EFEMP1: variants seen among roughly 807,000 people sequenced by gnomAD.
EFEMP1 encodes EGF-like fibulin extracellular matrix protein 1.
EFEMP1 carries 18 observed loss-of-function variants against 65.7 expected under a neutral mutation model. The observed-to-expected ratio is 0.27, with a 90% confidence interval of 0.19 to 0.41. The LOEUF (loss-of-function observed/expected upper bound fraction) is 0.41, where lower values mean the gene tolerates loss of function less well. Ranked by LOEUF, EFEMP1 falls within the 10% of genes least tolerant of loss-of-function variation. EFEMP1 has a pLI of 1.00. For synonymous variants in EFEMP1, 237 were observed against 219.7 expected (o/e 1.08, Z -0.70); for missense variants, 469 against 624.8 (o/e 0.75, Z 2.66).
At chr2:55,901,862 G>A (rs768819357) in intron 5 of EFEMP1, among the ~76,000 whole-genome samples, 1 of 152,172 alleles carries the variant, frequency 6.6e-6, no homozygotes, top group Non-Finnish European at 1.5e-5. Context: ...TCTCTTGCTG[G>A]AACCTTCTCT....
Position 55,877,643 on chromosome 2 carries a change from T to C in EFEMP1, c.760+103A>G. ...TTTATGATTGCTGAAGGGAAGTCGA[T>C]GGAAACTATTTACTCAAGAACATAG... On this transcript the variant is annotated intron_variant, in intron 7 of 11. Transcript: ENST00000355426. The surrounding 1 kb of genome is among the most constrained non-coding windows in gnomAD (Gnocchi z 4.5). The C allele has an allele frequency of 1.3e-6, 2 of 1,542,918 alleles. No homozygotes were observed. The highest frequency in any genetic ancestry group is 1.4e-5 in the African/African-American group (1 of 73,150).
intron 3 of EFEMP1, among the ~76,000 whole-genome samples, chr2:55,918,826 C>G (rs1465726844): frequency 6.6e-6 from 1 of 152,032 alleles, no homozygotes; most frequent in Non-Finnish European, 1.5e-5. Context: ...TCTAGTTCAC[C>G]CACTGAACAA....
chr2:55,871,533 G>A lies in EFEMP1; in HGVS notation c.1001-410C>T, dbSNP rs1426912626. ...AGATAAGTATACTGGGGCATGTGGA[G>A]CAGAGTTGGGTAATTTTGCCAGGGG... On this transcript the variant is annotated intron_variant, in intron 9 of 11. Transcript: ENST00000355426. This position sits in a 1 kb window ranked among gnomAD's most constrained non-coding sequence, Gnocchi z 4.2. Among the ~76,000 whole-genome samples, 2 of 152,082 alleles carry A rather than the reference G, an allele frequency of 1.3e-5. No homozygotes were observed. Among genetic ancestry groups the A allele is most frequent in the Non-Finnish European group, 2.9e-5 (2 of 68,002 alleles).
At chr2:55,898,691 A>C (rs142822132) in intron 5 of EFEMP1, among the ~76,000 whole-genome samples, 108 of 152,270 alleles carry the variant, frequency 7.1e-4, no homozygotes, top group African/African-American at 2.5e-3. Flanking sequence ...CTTCGCTCAA[A>C]ATCTGTCACT....
intron 6 of EFEMP1, among the ~76,000 whole-genome samples, chr2:55,879,865 C>T (rs1471891488): frequency 6.6e-6 from 1 of 152,144 alleles, no homozygotes; most frequent in African/African-American, 2.4e-5. Flanking sequence ...ATTGGTCTGC[C>T]GTAGATTGGA....
chr2:55,869,240 A>G (rs1362953287), intron 11 of EFEMP1, among the ~76,000 whole-genome samples: 1 of 152,060 alleles, frequency 6.6e-6, no homozygotes, highest in Non-Finnish European at 1.5e-5. Context: ...AGAAAATTTT[A>G]TTTTCTTACA....
intron 5 of EFEMP1, among the ~76,000 whole-genome samples, chr2:55,911,336 C>T (rs1670476476): frequency 6.6e-6 from 1 of 151,886 alleles, no homozygotes; most frequent in African/African-American, 2.4e-5. Flanking sequence ...TCACTGCTTC[C>T]CATATCCCAT....
chr2:55,880,742 A>C (rs1472907182), intron 6 of EFEMP1, among the ~76,000 whole-genome samples: 1 of 152,236 alleles, frequency 6.6e-6, no homozygotes, highest in African/African-American at 2.4e-5. Flanking sequence ...TTTCATGCCT[A>C]GTGCTGGGCC....
chr2:55,871,988 A>C lies in EFEMP1; in HGVS notation c.1001-865T>G, dbSNP rs1668827898. 6.6e-6 allele frequency among the ~76,000 whole-genome samples: 1 copy of C among 152,058 alleles called. No homozygotes were observed. Among genetic ancestry groups the C allele is most frequent in the South Asian group, 2.1e-4 (1 of 4,826 alleles). ...GGTTGTGTTTACCTCAGGCTGGACA[A>C]AGATTGACTTTAAATTTGGGAATCA... On this transcript the variant is annotated intron_variant, in intron 9 of 11. Transcript: ENST00000355426. The surrounding 1 kb of genome is among the most constrained non-coding windows in gnomAD (Gnocchi z 4.2).
rs1670856600 is a variant in EFEMP1, at chr2:55,919,932, G to A, written c.82-1665C>T. Among the ~76,000 whole-genome samples the A allele has an allele frequency of 6.6e-6, 1 of 152,122 alleles. No homozygotes were observed. The highest frequency in any genetic ancestry group is 6.6e-5 in the Admixed American group (1 of 15,266). On this transcript the variant is annotated intron_variant, in intron 3 of 11. Coordinates refer to ENST00000355426, the MANE Select transcript of EFEMP1 (RefSeq NM_001039348.3). This position sits in a 1 kb window ranked among gnomAD's most constrained non-coding sequence, Gnocchi z 4.5. ...ATGTCTACTAAGAAAGGCTTTTGCT[G>A]GCCCATGAGTAGGCAAGGCCCCGCA...
intron 5 of EFEMP1, among the ~76,000 whole-genome samples, chr2:55,890,825 C>G (rs1669602247): frequency 6.6e-6 from 1 of 152,078 alleles, no homozygotes; most frequent in African/African-American, 2.4e-5. Flanking sequence ...TACCCTACCT[C>G]CTCATATCAT....
chr2:55,895,622 G>A (rs547620320), intron 5 of EFEMP1, among the ~76,000 whole-genome samples: 17 of 150,910 alleles, frequency 1.1e-4, no homozygotes, highest in African/African-American at 3.4e-4. Context: ...GCTCACTGCA[G>A]GCTCCGCCCC....
chr2:55,923,064 G>A lies in EFEMP1; in HGVS notation c.-48-125C>T, dbSNP rs948547006. The A allele has an allele frequency of 1.7e-5, 10 of 581,138 alleles. No individual in the cohort carries two copies. Among genetic ancestry groups the A allele is most frequent in the Non-Finnish European group, 2.2e-5 (10 of 458,350 alleles). 36.0% of individuals were successfully genotyped at this position (581,138 alleles called of 1,614,324 possible). The stretch of plus-strand genomic sequence containing the variant: ...ACTAGACCTTCTCACATGTCTCAGA[G>A]CTTCTCACATCCCCCAGCACAAACT... On this transcript the variant is annotated intron_variant, in intron 1 of 11. Transcript: ENST00000355426. The surrounding 1 kb of genome is among the most constrained non-coding windows in gnomAD (Gnocchi z 5.3).
intron 5 of EFEMP1, among the ~76,000 whole-genome samples, chr2:55,914,927 C>T (rs1157269251): frequency 6.6e-6 from 1 of 152,102 alleles, no homozygotes; most frequent in Non-Finnish European, 1.5e-5. Context: ...TTATTTTGTG[C>T]TGCTGGCCTG....
Position 55,885,387 on chromosome 2 carries a change from G to A in EFEMP1, c.518-3653C>T, listed in dbSNP as rs1446503224. Among the ~76,000 whole-genome samples, 6 of 152,178 alleles carry A rather than the reference G, an allele frequency of 3.9e-5. No individual in the cohort carries two copies. Among genetic ancestry groups the A allele is most frequent in the South Asian group, 2.1e-4 (1 of 4,834 alleles). On this transcript the variant is annotated intron_variant, in intron 5 of 11. Transcript: ENST00000355426. The surrounding 1 kb of genome is among the most constrained non-coding windows in gnomAD (Gnocchi z 4.3). ...AGGATCATGAAATGCTAGATCTGTCGTGAACAAAATTCAAGGCCTTAAAGG... is the reference window on the plus strand; with the variant it reads ...AGGATCATGAAATGCTAGATCTGTCATGAACAAAATTCAAGGCCTTAAAGG...
Position 55,923,620 on chromosome 2 carries a change from A to G in EFEMP1, c.-49+91T>C. The G allele has an allele frequency of 1.0e-6, 1 of 985,334 alleles. No homozygotes were observed. The allele number at this position is 985,334 out of a possible 1,614,324, so 61.0% of individuals were successfully genotyped here. ...GTCCAGGGCAGTTCTCGGGTACTCA[A>G]CACCCCTCAGCTCACCCCACCTCAC... On this transcript the variant is annotated intron_variant, in intron 1 of 11. Transcript: ENST00000355426. This position sits in a 1 kb window ranked among gnomAD's most constrained non-coding sequence, Gnocchi z 5.3.
chr2:55,890,552 AT>A lies in EFEMP1; in HGVS notation c.518-8819del, dbSNP rs778292895. ...TAAAAGAAAATGGCTATATGCTGGC[AT>A]TAAAGTAAGTCTAAATAAATTTCAA... On this transcript the variant is annotated intron_variant, in intron 5 of 11. Coordinates refer to ENST00000355426, the MANE Select transcript of EFEMP1 (RefSeq NM_001039348.3). 4.6e-5 allele frequency among the ~76,000 whole-genome samples: 7 copies of A among 152,250 alleles called. No individual in the cohort carries two copies. The East Asian group carries it at 7.7e-4, about 17-fold the overall frequency.
intron 5 of EFEMP1, among the ~76,000 whole-genome samples, chr2:55,898,900 G>A (rs939111891): frequency 6.6e-6 from 1 of 152,128 alleles, no homozygotes. Context: ...ATGGAAAAGG[G>A]AGTGAGTTTC....
chr2:55,875,365 C>CACACAT (rs1457478860), intron 8 of EFEMP1, among the ~76,000 whole-genome samples: 5 of 137,102 alleles, frequency 3.6e-5, no homozygotes, highest in Admixed American at 7.0e-5. Flanking sequence ...CACACACACA[C>CACACAT]ATATATATTT....
Sources: gnomAD v4.1 joint callset for allele counts (sites outside exome capture counted in the v4.1 genomes callset) on GRCh38, gnomAD v4.1.1 for gene constraint, Gnocchi (gnomAD v3.1) non-coding constraint, MANE v1.5 for transcripts, NCBI Gene and HGNC (gene_info 2026-07-23, HGNC 2026-07-21) for gene names.